Variants in SNX18 observed in about 807,000 individuals in gnomAD.
The protein encoded by SNX18 is sorting nexin-18.
A neutral mutation model predicts 48.7 loss-of-function variants in SNX18; 35 were observed. The observed-to-expected ratio is 0.72, with a 90% confidence interval of 0.55 to 0.95. The LOEUF (loss-of-function observed/expected upper bound fraction) is 0.95, where lower values mean the gene tolerates loss of function less well. Among genes scored for constraint, SNX18 ranks in the 40% least tolerant of loss-of-function variants. The pLI is 0.00. For synonymous variants in SNX18, 492 were observed against 384.7 expected (o/e 1.28, Z -3.26); for missense variants, 824 against 871.0 (o/e 0.95, Z 0.68).
chr5:54,600,219 G>GA, the SNX18 span, among the ~76,000 whole-genome samples: 1 of 151,998 alleles, frequency 6.6e-6, no homozygotes, highest in South Asian at 2.1e-4. Context: ...ACAAACATAT[G>GA]AAAAAAAGCT....
chr5:54,541,606 G>A (rs1330342443), intron 1 of SNX18, among the ~76,000 whole-genome samples: 1 of 152,164 alleles, frequency 6.6e-6, no homozygotes, highest in Non-Finnish European at 1.5e-5. Flanking sequence ...TTAGGTGGAA[G>A]TGGTGTGGGT....
At chr5:54,520,614 C>T (rs1490465296) in intron 1 of SNX18, 1 of 166,958 alleles carries the variant, frequency 6.0e-6, no homozygotes, top group East Asian at 1.9e-4. Context: ...GTGGGCCAGT[C>T]CGTTTATGAG....
chr5:54,639,910 C>A, the SNX18 span, among the ~76,000 whole-genome samples: 2 of 152,082 alleles, frequency 1.3e-5, no homozygotes, highest in Non-Finnish European at 2.9e-5. Context: ...AGCTGTGGGC[C>A]CACGCACTAT....
rs1459621648 is a variant in SNX18 at position 54,546,395 on chromosome 5, C to T, written c.*2963C>T. The T allele has an allele frequency of 6.6e-6, 1 of 152,150 alleles. No homozygotes were observed. Among genetic ancestry groups the T allele is most frequent in the Non-Finnish European group, 1.5e-5 (1 of 68,036 alleles). The allele number at this position is 152,150 out of a possible 1,614,324, so 9.4% of individuals were successfully genotyped here. On this transcript the variant is annotated 3_prime_UTR_variant, in exon 2 of 2. Transcript: ENST00000381410. ...AAAAATCAAATGCCATGTCTGATAC[C>T]TTTAAGTCCATAAGCATTCAATTTT... is the stretch of plus-strand genomic sequence containing the variant.
At chr5:54,609,525 C>T in the SNX18 span, among the ~76,000 whole-genome samples, 902 of 152,106 alleles carry the variant, frequency 5.9e-3, 7 homozygotes, top group Non-Finnish European at 0.01. Context: ...TGCTATGTTG[C>T]TCAGGCTGGC....
chr5:54,633,441 A>G, the SNX18 span, among the ~76,000 whole-genome samples: 1 of 152,152 alleles, frequency 6.6e-6, no homozygotes, highest in Admixed American at 6.5e-5. Flanking sequence ...GCTGGAACTA[A>G]AAGTGTGCCT....
chr5:54,591,426 A>G, the SNX18 span, among the ~76,000 whole-genome samples: 1 of 152,158 alleles, frequency 6.6e-6, no homozygotes, highest in Non-Finnish European at 1.5e-5. Flanking sequence ...CCTTGGCCCA[A>G]ACAATCCTCC....
chr5:54,550,693 C>T (rs2111639368), downstream of SNX18, among the ~76,000 whole-genome samples: 1 of 152,284 alleles, frequency 6.6e-6, no homozygotes, highest in South Asian at 2.1e-4. Flanking sequence ...AAGTGATTCT[C>T]ATGCCTTCAG....
At chr5:54,646,948 C>G in the SNX18 span, among the ~76,000 whole-genome samples, 2 of 152,140 alleles carry the variant, frequency 1.3e-5, no homozygotes, top group Admixed American at 6.5e-5. Context: ...ACTGGCGGCT[C>G]GAAGCGGTAT....
intron 1 of SNX18, among the ~76,000 whole-genome samples, chr5:54,535,944 G>A (rs1762344463): frequency 6.6e-6 from 1 of 152,122 alleles, no homozygotes; most frequent in Non-Finnish European, 1.5e-5. Context: ...GTTCCTGAGT[G>A]CACTTTCTGT....
At chr5:54,548,046 A>T (rs546668233), downstream of SNX18, among the ~76,000 whole-genome samples, 3 of 152,258 alleles carry the variant, frequency 2.0e-5, no homozygotes, top group South Asian at 4.1e-4. Context: ...CAGGCCTCTG[A>T]GGTGGGGGAA....
At chr5:54,528,731 T>C (rs1255670522) in intron 1 of SNX18, among the ~76,000 whole-genome samples, 7 of 151,980 alleles carry the variant, frequency 4.6e-5, no homozygotes, top group Non-Finnish European at 7.4e-5. Context: ...TTATGGGCAG[T>C]GGATAGGAAG....
chr5:54,571,851 G>A, the SNX18 span, among the ~76,000 whole-genome samples: 10 of 152,222 alleles, frequency 6.6e-5, no homozygotes, highest in Admixed American at 1.3e-4. Flanking sequence ...CAGGGGTTTC[G>A]GGGGAGACTG....
the SNX18 span, among the ~76,000 whole-genome samples, chr5:54,631,522 C>T: frequency 1.3e-5 from 2 of 152,182 alleles, no homozygotes; most frequent in Non-Finnish European, 1.5e-5. Context: ...TTATTCTCCT[C>T]TATACCAAGC....
chr5:54,518,398 G>T lies in SNX18; in HGVS notation c.446G>T (p.Gly149Val). 6.3e-7 allele frequency: 1 copy of T among 1,583,674 alleles called. No individual in the cohort carries two copies. The highest frequency in any genetic ancestry group is 1.1e-5 in the South Asian group (1 of 87,320). ...TACGGCGGCTACCAGGCCAGCCAAGGCAGCGATGATGACTGGGACGACGAG... is the reference window on the plus strand; with the variant it reads ...TACGGCGGCTACCAGGCCAGCCAAGTCAGCGATGATGACTGGGACGACGAG... ...QLYGGYQASQ[G>V]SDDDWDDEWD... is the part of the protein sequence containing the mutation. The change falls in exon 1 of 2, where the codon GGC becomes GTC. Residue 149 changes from glycine to valine, a missense_variant. Gly to Val is a moderately radical substitution (Grantham distance 109). Transcript: ENST00000381410.
chr5:54,519,416 C>T lies in SNX18; in HGVS notation c.1464C>T (p.Gly488=), dbSNP rs757040127. 1.2e-6 allele frequency: 2 copies of T among 1,613,208 alleles called. No individual in the cohort carries two copies. Among genetic ancestry groups the T allele is most frequent in the African/African-American group, 2.7e-5 (2 of 74,764 alleles). ...FELDQQAFSV[G]LNQAIAFTGD... ...TGGACCAGCAGGCCTTCTCGGTGGGCCTGAACCAGGCTATCGCCTTCACCG... is the reference window on the plus strand; with the variant it reads ...TGGACCAGCAGGCCTTCTCGGTGGGTCTGAACCAGGCTATCGCCTTCACCG... The change falls in exon 1 of 2, where the codon GGC becomes GGT. Residue 488 remains glycine (G), a synonymous_variant. Coordinates refer to ENST00000381410, the MANE Select transcript of SNX18 (RefSeq NM_001102575.2).
chr5:54,641,724 G>C, the SNX18 span, among the ~76,000 whole-genome samples: 1 of 152,172 alleles, frequency 6.6e-6, no homozygotes, highest in Non-Finnish European at 1.5e-5. Context: ...ACATTGAGGA[G>C]GACGCTTTGC....
At chr5:54,523,573 G>T (rs1306964859) in intron 1 of SNX18, among the ~76,000 whole-genome samples, 1 of 152,196 alleles carries the variant, frequency 6.6e-6, no homozygotes, top group African/African-American at 2.4e-5. Context: ...TTTGGGCTGT[G>T]TGAAGCAGGG....
At chr5:54,605,424 A>C in the SNX18 span, among the ~76,000 whole-genome samples, 1 of 152,164 alleles carries the variant, frequency 6.6e-6, no homozygotes, top group Admixed American at 6.5e-5. Context: ...CACGCTTATC[A>C]CAGTAGTGTG....
Sources: gnomAD v4.1 joint callset for allele counts (sites outside exome capture counted in the v4.1 genomes callset) on GRCh38, gnomAD v4.1.1 for gene constraint, MANE v1.5 for transcripts, NCBI Gene and HGNC (gene_info 2026-07-23, HGNC 2026-07-21) for gene names.